Variants in CPNE8 observed in about 807,000 individuals in gnomAD.
CPNE8 encodes copine-8.
In CPNE8, 45 loss-of-function variants were observed where a neutral mutation model predicts 81.5. The observed-to-expected ratio is 0.55, with a 90% CI of 0.44 to 0.71. CPNE8 has a LOEUF of 0.71. Ranked by LOEUF, CPNE8 falls within the 30% of genes least tolerant of loss-of-function variation. The probability of loss-of-function intolerance (pLI) is 0.00; values close to 1 mark genes in which losing one functional copy is unlikely to be tolerated. For synonymous variants in CPNE8, 252 were observed against 226.3 expected, an observed-to-expected ratio of 1.11 and a Z score of -1.02; for missense variants, 594 against 672.1, an observed-to-expected ratio of 0.88 and a Z score of 1.28.
chr12:38,791,835 C>A (rs987625246), intron 6 of CPNE8, among the ~76,000 whole-genome samples: 4 of 151,378 alleles, frequency 2.6e-5, no homozygotes, highest in African/African-American at 7.3e-5. Flanking sequence ...CATTTTAGGA[C>A]ACAAAACAAG....
Position 38,752,406 on chromosome 12 carries a change from T to C in CPNE8, c.722+8441A>G, listed in dbSNP as rs931020237. 2.8e-4 allele frequency among the ~76,000 whole-genome samples: 43 copies of C among 152,332 alleles called. No individual in the cohort carries two copies. The Middle Eastern group carries it at 0.017, about 60-fold the overall frequency. On this transcript the variant is annotated intron_variant, in intron 10 of 19. Transcript: ENST00000331366. Reference sequence around the variant, plus strand: ...ATTAGTCACTGCTCACCATTTTCTGTGTGCCTGGCTATTACCTCAGCTTCC... The same window carrying C: ...ATTAGTCACTGCTCACCATTTTCTGCGTGCCTGGCTATTACCTCAGCTTCC...
At chr12:38,746,991 A>G (rs1807653174) in intron 10 of CPNE8, among the ~76,000 whole-genome samples, 1 of 152,196 alleles carries the variant, frequency 6.6e-6, no homozygotes, top group African/African-American at 2.4e-5. Flanking sequence ...CACATGAGTG[A>G]TCTGCAGGCC....
intron 4 of CPNE8, 140 bp from the exon 5 acceptor site, chr12:38,840,095 A>G: frequency 1.2e-6 from 1 of 839,102 alleles, no homozygotes; most frequent in Non-Finnish European, 1.7e-6. Flanking sequence ...GCAAATTTTA[A>G]AGTTTCACAT....
chr12:38,654,721 G>A (rs1938780926), intron 19 of CPNE8, among the ~76,000 whole-genome samples: 1 of 151,976 alleles, frequency 6.6e-6, no homozygotes, highest in Non-Finnish European at 1.5e-5. Context: ...ATCCCAACAG[G>A]ATGGAGCATT....
chr12:38,797,875 C>T (rs1942536691), intron 6 of CPNE8, among the ~76,000 whole-genome samples: 1 of 152,064 alleles, frequency 6.6e-6, no homozygotes, highest in East Asian at 1.9e-4. Context: ...GAGCTGAAAG[C>T]AAAGGCTCGA....
intron 3 of CPNE8, 78 bp from the exon 4 acceptor site, chr12:38,848,740 G>C (rs1490910782): frequency 4.3e-5 from 60 of 1,408,750 alleles, no homozygotes; most frequent in Non-Finnish European, 5.2e-5. Context: ...ATATCACACA[G>C]TTCTTTTAAA....
chr12:38,872,972 C>T lies in CPNE8; in HGVS notation c.186+32G>A, dbSNP rs759500258. The T allele has an allele frequency of 7.1e-6, 9 of 1,262,596 alleles. 1 individual carries two copies. In the South Asian group the frequency reaches 8.6e-5, roughly 12 times the overall value. The allele number at this position is 1,262,596 out of a possible 1,614,324, so 78.2% of individuals were successfully genotyped here. On this transcript the variant is annotated intron_variant, in intron 3 of 19. Coordinates refer to ENST00000331366, the MANE Select transcript of CPNE8 (RefSeq NM_153634.3). ...TTATAACTTACTGTATCTTCAAGCCCAGTGATTTTTTTAAAAAAGTTTTAA... is the reference window on the plus strand; with the variant it reads ...TTATAACTTACTGTATCTTCAAGCCTAGTGATTTTTTTAAAAAAGTTTTAA...
chr12:38,661,255 A>G (rs1007118730), intron 19 of CPNE8, among the ~76,000 whole-genome samples: 7 of 152,268 alleles, frequency 4.6e-5, no homozygotes, highest in Admixed American at 4.6e-4. Context: ...TGGCACACAT[A>G]TACCATGGAA....
chr12:38,704,971 G>A (rs1370986166), intron 13 of CPNE8, among the ~76,000 whole-genome samples: 2 of 137,872 alleles, frequency 1.5e-5, no homozygotes, highest in Non-Finnish European at 3.1e-5. Context: ...AGTCACATAA[G>A]AAATTCACTT....
chr12:38,670,084 C>T (rs964623354), intron 19 of CPNE8, among the ~76,000 whole-genome samples: 5 of 152,182 alleles, frequency 3.3e-5, no homozygotes, highest in African/African-American at 9.6e-5. Context: ...TTTCTCTCCT[C>T]TTTCTTTAAT....
intron 6 of CPNE8, among the ~76,000 whole-genome samples, chr12:38,790,776 C>CA (rs1942304582): frequency 1.3e-5 from 2 of 151,464 alleles, no homozygotes; most frequent in Admixed American, 6.6e-5. Context: ...AACAAACAAA[C>CA]AAAAAACAAA....
chr12:38,697,448 T>C (rs903198072), intron 14 of CPNE8, among the ~76,000 whole-genome samples: 44 of 152,226 alleles, frequency 2.9e-4, no homozygotes, highest in African/African-American at 8.2e-4. Context: ...TGGGATATTA[T>C]GCTGTTATAT....
chr12:38,740,649 A>G (rs1380591181), intron 10 of CPNE8, among the ~76,000 whole-genome samples: 1 of 152,172 alleles, frequency 6.6e-6, no homozygotes, highest in Non-Finnish European at 1.5e-5. Flanking sequence ...TGAGATAATC[A>G]TGTGGTTTTT....
chr12:38,862,161 G>C (rs898382027), intron 3 of CPNE8, among the ~76,000 whole-genome samples: 1 of 151,886 alleles, frequency 6.6e-6, no homozygotes, highest in Non-Finnish European at 1.5e-5. Context: ...GCAAAGAACA[G>C]AAAAAATATA....
chr12:38,666,433 C>T (rs1232770643), intron 19 of CPNE8, among the ~76,000 whole-genome samples: 2 of 151,892 alleles, frequency 1.3e-5, no homozygotes, highest in South Asian at 2.1e-4. Flanking sequence ...AAACAATGAC[C>T]GGTATTTTTA....
At chr12:38,680,821 G>A (rs1291737292) in intron 16 of CPNE8, among the ~76,000 whole-genome samples, 1 of 151,830 alleles carries the variant, frequency 6.6e-6, no homozygotes, top group Non-Finnish European at 1.5e-5. Context: ...TTGAAAATTA[G>A]TTATAAGAAT....
chr12:38,873,593 C>A (rs1944022571), intron 2 of CPNE8, among the ~76,000 whole-genome samples: 1 of 152,192 alleles, frequency 6.6e-6, no homozygotes, highest in Non-Finnish European at 1.5e-5. Flanking sequence ...GTCCCACCCA[C>A]TTGTCAAATG....
At position 38,895,299 on chromosome 12, in the gene CPNE8, C is replaced by T. The variant is rs765357057; in HGVS notation, c.98+10138G>A. Among the ~76,000 whole-genome samples the T allele has an allele frequency of 2.6e-5, 4 of 152,134 alleles. No individual in the cohort carries two copies. The South Asian group carries it at 6.2e-4, about 24-fold the overall frequency. ...ATTACTGAAAAGCTAGCAAGTTAAA[C>T]GGTGACTTCCCCAGTGCTAAGAAAG... On this transcript the variant is annotated intron_variant, in intron 1 of 19. Coordinates refer to ENST00000331366, the MANE Select transcript of CPNE8 (RefSeq NM_153634.3).
At chr12:38,905,385 A>T (rs1255033196) in intron 1 of CPNE8, 52 bp downstream of exon 1, 1 of 1,537,034 alleles carries the variant, frequency 6.5e-7, no homozygotes, top group African/African-American at 1.4e-5. Context: ...TCCAAGTGCT[A>T]CCAACCCCAC....
Sources: gnomAD v4.1 joint callset for allele counts (sites outside exome capture counted in the v4.1 genomes callset) on GRCh38, gnomAD v4.1.1 for gene constraint, MANE v1.5 for transcripts, NCBI Gene and HGNC (gene_info 2026-07-23, HGNC 2026-07-21) for gene names.